Variants in RGS12 observed in about 807,000 individuals in gnomAD.
RGS12 encodes regulator of G-protein signaling 12.
Under a neutral mutation model 120.1 loss-of-function variants are expected in RGS12, and 66 were observed. That is an observed-to-expected ratio of 0.55 (90% CI 0.45 to 0.67). RGS12 has a LOEUF of 0.67. Among genes scored for constraint, RGS12 ranks in the 30% least tolerant of loss-of-function variants. The probability of loss-of-function intolerance (pLI) is 0.00; values close to 1 mark genes in which losing one functional copy is unlikely to be tolerated. For missense variants in RGS12, 1,859 were observed against 1,957.7 expected (o/e 0.95, Z 0.95); for synonymous variants, 827 against 804.7 (o/e 1.03, Z -0.47).
intron 2 of RGS12, among the ~76,000 whole-genome samples, chr4:3,340,388 G>A (rs1403698716): frequency 1.3e-5 from 2 of 152,234 alleles, no homozygotes; most frequent in East Asian, 1.9e-4. Flanking sequence ...AGAGGACGCT[G>A]GGGAGTCTTA....
rs1472115029 is a variant in RGS12 at position 3,296,987 on chromosome 4, T to C, written c.-102+3888T>C. 2.6e-5 allele frequency among the ~76,000 whole-genome samples: 4 copies of C among 152,236 alleles called. No individual in the cohort carries two copies. The South Asian group carries it at 8.3e-4, about 32-fold the overall frequency. Reference sequence around the variant, plus strand: ...GTTTTGGGGGCCACCGTTGCAGAAGTTGCCTAGATTCTTCCATGAAGGAGC... The same window carrying C: ...GTTTTGGGGGCCACCGTTGCAGAAGCTGCCTAGATTCTTCCATGAAGGAGC... On this transcript the variant is annotated intron_variant, in intron 1 of 17. Transcript: ENST00000336727.
At chr4:3,382,370 T>C (rs1718354713) in intron 3 of RGS12, among the ~76,000 whole-genome samples, 1 of 152,186 alleles carries the variant, frequency 6.6e-6, no homozygotes, top group Non-Finnish European at 1.5e-5. Flanking sequence ...GCTCCACTCC[T>C]GAGCACAGAC....
intron 3 of RGS12, among the ~76,000 whole-genome samples, chr4:3,363,241 C>G (rs1159307188): frequency 6.6e-6 from 1 of 152,054 alleles, no homozygotes; most frequent in Non-Finnish European, 1.5e-5. Context: ...CCCATAAATC[C>G]TAGTGTTTTT....
chr4:3,344,119 C>G (rs1713556118), intron 3 of RGS12, among the ~76,000 whole-genome samples: 2 of 152,156 alleles, frequency 1.3e-5, no homozygotes, highest in African/African-American at 4.8e-5. Flanking sequence ...TGGCCAGACT[C>G]CGTCCACAGT....
At position 3,386,104 on chromosome 4, in the gene RGS12, A is replaced by G. The variant is rs568487494; in HGVS notation, c.1999-312A>G. ...GTGTGTGTGTCACTTACAGGGCATG[A>G]TGCTACTGAAGTTTGTGAAGTTGGT... On this transcript the variant is annotated intron_variant, in intron 3 of 17. Transcript: ENST00000336727. The G allele has an allele frequency of 2.4e-5, 10 of 416,566 alleles. No individual in the cohort carries two copies. In the East Asian group the frequency reaches 4.0e-4, roughly 17 times the overall value. The allele number at this position is 416,566 out of a possible 1,614,324, so 25.8% of individuals were successfully genotyped here. A position where few individuals can be genotyped will look rare whatever the true frequency, so the allele number is the denominator to read the frequency against.
chr4:3,401,210 A>G (rs960868190), intron 4 of RGS12, among the ~76,000 whole-genome samples: 2 of 152,218 alleles, frequency 1.3e-5, no homozygotes, highest in African/African-American at 4.8e-5. Context: ...CCAAATTAAT[A>G]AGATGGATTA....
chr4:3,377,332 A>T (rs983819347), intron 3 of RGS12, among the ~76,000 whole-genome samples: 6 of 152,180 alleles, frequency 3.9e-5, no homozygotes, highest in South Asian at 2.1e-4. Context: ...TAGGCCTCCT[A>T]AATTCTGGGA....
rs772171432 is a variant in RGS12, at chr4:3,417,099, T to A, written c.2607+7T>A. ...TGTGTCCACGCCAAAAAAGGTGACC[T>A]CCCCGAGGCTGGCCTCACGCCCCTG... On this transcript the variant is annotated splice_region_variant and intron_variant, in intron 8 of 17. Coordinates refer to ENST00000336727, the MANE Select transcript of RGS12 (RefSeq NM_001394154.1). 3.8e-6 allele frequency: 6 copies of A among 1,588,554 alleles called. No individual in the cohort carries two copies. In the Admixed American group the frequency reaches 1.0e-4, roughly 27 times the overall value.
chr4:3,320,643 A>G (rs1044798966), intron 2 of RGS12, among the ~76,000 whole-genome samples: 2 of 152,168 alleles, frequency 1.3e-5, no homozygotes, highest in African/African-American at 4.8e-5. Flanking sequence ...GTTGTGTTTT[A>G]TGGGTTCCTG....
At chr4:3,387,347 C>T (rs757275919) in intron 4 of RGS12, among the ~76,000 whole-genome samples, 62 of 152,338 alleles carry the variant, frequency 4.1e-4, no homozygotes, top group Non-Finnish European at 7.8e-4. Context: ...TGGCCTCAGT[C>T]CTCGGCCTCG....
intron 3 of RGS12, among the ~76,000 whole-genome samples, chr4:3,362,850 AGGGTGT>A (rs1230917790): frequency 7.7e-6 from 1 of 130,346 alleles, no homozygotes; most frequent in Non-Finnish European, 1.6e-5. Flanking sequence ...ACTGAGTGTG[AGGGTGT>A]GTGTGTGCGA....
intron 2 of RGS12, among the ~76,000 whole-genome samples, chr4:3,338,891 C>T (rs1042697832): frequency 3.3e-5 from 5 of 152,040 alleles, no homozygotes; most frequent in Admixed American, 6.5e-5. Flanking sequence ...GGTGCTAAAT[C>T]GGCGGTGATG....
upstream of RGS12, among the ~76,000 whole-genome samples, chr4:3,288,316 C>G (rs903130566): frequency 2.0e-5 from 3 of 152,104 alleles, no homozygotes; most frequent in African/African-American, 7.2e-5. This position sits in a 1 kb window ranked among gnomAD's most constrained non-coding sequence, Gnocchi z 5.2. Context: ...CAAGGGGGCC[C>G]CGTGGGTGTG....
chr4:3,344,055 G>A (rs1408624766), intron 3 of RGS12, among the ~76,000 whole-genome samples: 4 of 152,158 alleles, frequency 2.6e-5, no homozygotes, highest in South Asian at 2.1e-4. Flanking sequence ...CTCCTTCAGC[G>A]CGTGTGGGAC....
chr4:3,362,733 ATGTC>A (rs1412878250), intron 3 of RGS12, among the ~76,000 whole-genome samples: 33 of 57,470 alleles, frequency 5.7e-4, no homozygotes, highest in Non-Finnish European at 1.1e-3. Context: ...GGGTGCGAGG[ATGTC>A]TGTGTGAGGG....
At chr4:3,346,151 G>GA (rs1465042625) in intron 3 of RGS12, among the ~76,000 whole-genome samples, 12 of 152,126 alleles carry the variant, frequency 7.9e-5, no homozygotes, top group African/African-American at 2.9e-4. Flanking sequence ...TTTACGCAAT[G>GA]GATAATTTAG....
intron 2 of RGS12, chr4:3,324,395 G>A (rs1725421593): frequency 4.7e-6 from 1 of 214,920 alleles, no homozygotes; most frequent in Non-Finnish European, 9.3e-6. Context: ...TAGTGGGGAT[G>A]TCCCCTGTGC....
At chr4:3,352,102 A>G (rs936586208) in intron 3 of RGS12, among the ~76,000 whole-genome samples, 14 of 152,200 alleles carry the variant, frequency 9.2e-5, no homozygotes, top group African/African-American at 3.4e-4. Context: ...ACAAAACATT[A>G]AACCGGGTGT....
chr4:3,381,654 C>G (rs1718271427), intron 3 of RGS12, among the ~76,000 whole-genome samples: 1 of 152,222 alleles, frequency 6.6e-6, no homozygotes, highest in African/African-American at 2.4e-5. Context: ...ACTATCACAA[C>G]AGCATGAGGG....
Sources: allele counts gnomAD v4.1 joint callset (sites outside exome capture counted in the v4.1 genomes callset), GRCh38; gene constraint gnomAD v4.1.1; non-coding constraint Gnocchi (gnomAD v3.1); transcripts MANE v1.5; gene names NCBI Gene and HGNC (gene_info 2026-07-23, HGNC 2026-07-21).